The following EPS15L1 variants were observed in gnomAD, a reference collection of about 807,000 sequenced individuals.
EPS15L1 encodes epidermal growth factor receptor pathway substrate 15 like 1, also known as epidermal growth factor receptor substrate 15-like 1.
EPS15L1 carries 43 observed loss-of-function variants against 117.1 expected under a neutral mutation model. The ratio of observed to expected loss-of-function variants is 0.37; its 90% CI spans 0.29 to 0.47. The LOEUF is 0.47. EPS15L1 is among the 20% of genes least tolerant of loss of function. The pLI is 0.99. For synonymous variants in EPS15L1, 459 were observed against 470.5 expected (o/e 0.98, Z 0.32); for missense variants, 981 against 1,164.0 (o/e 0.84, Z 2.29).
At chr19:16,433,000 G>A (rs1359871628) in intron 7 of EPS15L1, among the ~76,000 whole-genome samples, 1 of 151,486 alleles carries the variant, frequency 6.6e-6, no homozygotes, top group African/African-American at 2.4e-5. Context: ...CAGTAGGGAT[G>A]GGGTTTCACC....
intron 1 of EPS15L1, among the ~76,000 whole-genome samples, chr19:16,468,157 A>C (rs2093319782): frequency 6.6e-6 from 1 of 152,166 alleles, no homozygotes; most frequent in African/African-American, 2.4e-5. Flanking sequence ...AAGGGAGGAC[A>C]ACACAGGGGA....
At position 16,425,304 on chromosome 19, in the gene EPS15L1, C is replaced by A; in HGVS notation, c.571G>T (p.Val191Leu). ...GGCTCCTTCTCCAGGGCTCGGTACACCAAGTGCATGGCCTGCAGGTGCAAA... is the reference window on the plus strand; with the variant it reads ...GGCTCCTTCTCCAGGGCTCGGTACAACAAGTGCATGGCCTGCAGGTGCAAA... The part of the protein sequence containing the change: ...RDEFAVAMHL[V>L]YRALEKEPVP... Residue 191 changes from valine to leucine, a missense_variant, in exon 9 of 24, where the codon GTG (valine) becomes TTG (leucine). Coordinates refer to ENST00000455140, the MANE Select transcript of EPS15L1 (RefSeq NM_001258374.3). 6.3e-7 allele frequency: 1 copy of A among 1,595,780 alleles called. No homozygotes were observed. The highest frequency in any genetic ancestry group is 8.5e-7 in the Non-Finnish European group (1 of 1,170,474).
intron 9 of EPS15L1, among the ~76,000 whole-genome samples, chr19:16,422,273 G>A (rs73931915): frequency 0.02 from 3,014 of 152,280 alleles, 108 homozygotes; most frequent in African/African-American, 0.069. Context: ...TGGTTCAGAG[G>A]CATTGAGGCC....
chr19:16,424,221 G>A (rs140122388), intron 9 of EPS15L1, among the ~76,000 whole-genome samples: 35 of 152,346 alleles, frequency 2.3e-4, no homozygotes, highest in Admixed American at 1.3e-4. Context: ...TGGAGATGAG[G>A]AAGTTGGAGT....
At chr19:16,367,088 C>T (rs761336271) in intron 22 of EPS15L1, among the ~76,000 whole-genome samples, 4 of 151,756 alleles carry the variant, frequency 2.6e-5, no homozygotes, top group African/African-American at 4.8e-5. Flanking sequence ...GCTTTACTGA[C>T]GCGCATTTCA....
At chr19:16,410,943 A>G (rs1159192074) in intron 13 of EPS15L1, among the ~76,000 whole-genome samples, 1 of 152,130 alleles carries the variant, frequency 6.6e-6, no homozygotes, top group Non-Finnish European at 1.5e-5. Flanking sequence ...CATCCACACA[A>G]TGGAATATTA....
At chr19:16,406,494 C>T (rs1298824135) in intron 13 of EPS15L1, among the ~76,000 whole-genome samples, 1 of 152,206 alleles carries the variant, frequency 6.6e-6, no homozygotes, top group Non-Finnish European at 1.5e-5. Flanking sequence ...ATGCTCCGAG[C>T]GATGCTCCCA....
At chr19:16,416,306 T>C (rs529681372) in intron 12 of EPS15L1, among the ~76,000 whole-genome samples, 81 of 152,004 alleles carry the variant, frequency 5.3e-4, no homozygotes, top group Non-Finnish European at 9.7e-4. Flanking sequence ...TGGTGCCCCG[T>C]CATCACAAGA....
chr19:16,436,158 G>A (rs17642703), intron 6 of EPS15L1, among the ~76,000 whole-genome samples: 20,731 of 152,142 alleles, frequency 0.14, 1,481 homozygotes, highest in Non-Finnish European at 0.15. Context: ...ACCTCTCCAA[G>A]AAGGGAGCAA....
At chr19:16,461,617 G>A (rs957134095) in intron 1 of EPS15L1, among the ~76,000 whole-genome samples, 4 of 151,568 alleles carry the variant, frequency 2.6e-5, no homozygotes, top group Non-Finnish European at 2.9e-5. Context: ...GTGAGACTCT[G>A]TCTCAAAAAA....
chr19:16,453,639 G>A (rs1259964139), intron 1 of EPS15L1, among the ~76,000 whole-genome samples: 1 of 152,054 alleles, frequency 6.6e-6, no homozygotes, highest in Non-Finnish European at 1.5e-5. Flanking sequence ...CGTGAACCCG[G>A]GAGGCGGATC....
At chr19:16,449,247 AAAACAAACAAAC>A (rs140126191) in intron 1 of EPS15L1, among the ~76,000 whole-genome samples, 135 of 151,812 alleles carry the variant, frequency 8.9e-4, no homozygotes, top group African/African-American at 2.0e-3. Context: ...GATTTCTTAA[AAAACAAACAAAC>A]AAACAAACAA....
rs560776406 is a variant in EPS15L1, at chr19:16,422,970, A to G, written c.793-1494T>C. ...AAGACTCCGTCTCGGGGAAAAAAAA[A>G]GGGGGGGGGGATTTCTCAAAGAGTT... On this transcript the variant is annotated intron_variant, in intron 9 of 23. Coordinates refer to ENST00000455140, the MANE Select transcript of EPS15L1 (RefSeq NM_001258374.3). Among the ~76,000 whole-genome samples, 154 of 121,112 alleles carry G rather than the reference A, an allele frequency of 1.3e-3. 1 individual carries two copies. In the South Asian group the frequency reaches 0.019, roughly 15 times the overall value. 79.5% of individuals were successfully genotyped at this position (121,112 alleles called of 152,430 possible).
At chr19:16,437,919 G>C (rs2145053215) in intron 4 of EPS15L1, 54 bp from the exon 5 acceptor site, 1 of 1,388,482 alleles carries the variant, frequency 7.2e-7, no homozygotes, top group East Asian at 2.3e-5. Context: ...GTGAGGGTAG[G>C]GGGAGCTGTC....
At chr19:16,406,312 A>G (rs952849104) in intron 13 of EPS15L1, among the ~76,000 whole-genome samples, 3 of 152,142 alleles carry the variant, frequency 2.0e-5, no homozygotes, top group African/African-American at 7.2e-5. Context: ...AATCAGGGTC[A>G]CTTATGGACA....
At chr19:16,356,000 G>A in intron 23 of EPS15L1, 149 bp from the exon 24 acceptor site, 1 of 975,214 alleles carries the variant, frequency 1.0e-6, no homozygotes, top group Admixed American at 2.7e-5. Flanking sequence ...TGTCTTGGCT[G>A]GGCCCAGTGG....
rs201411100 is a variant in EPS15L1, at chr19:16,425,066, C to T, written c.792+17G>A. ...CTGTGCTCTGAGAGGGGGCTGTGCC[C>T]GCTGAGGGCTCCGTACCTGTGTTTG... On this transcript the variant is annotated intron_variant, in intron 9 of 23. Transcript: ENST00000455140. 33 of 1,603,624 alleles carry T rather than the reference C, an allele frequency of 2.1e-5. No homozygotes were observed. Among genetic ancestry groups the T allele is most frequent in the African/African-American group, 1.7e-4 (13 of 74,816 alleles).
chr19:16,418,229 C>T (rs1193457825), intron 10 of EPS15L1, 125 bp from the exon 11 acceptor site: 4 of 1,048,652 alleles, frequency 3.8e-6, no homozygotes, highest in Non-Finnish European at 5.5e-6. Flanking sequence ...TGGTGGCAAG[C>T]CCCAGCTCCT....
chr19:16,443,978 T>G (rs1218231628), intron 1 of EPS15L1, among the ~76,000 whole-genome samples: 1 of 146,396 alleles, frequency 6.8e-6, no homozygotes, highest in Admixed American at 6.9e-5. Flanking sequence ...ACAGGAGAAT[T>G]GCATTAATCC....
Sources: allele counts gnomAD v4.1 joint callset (sites outside exome capture counted in the v4.1 genomes callset), GRCh38; gene constraint gnomAD v4.1.1; transcripts MANE v1.5; gene names NCBI Gene and HGNC (gene_info 2026-07-23, HGNC 2026-07-21).